The following TSC2 variants were observed in gnomAD, a reference collection of about 807,000 sequenced individuals.
The protein encoded by TSC2 is tuberin.
TSC2 carries 29 observed loss-of-function variants against 202.2 expected under a neutral mutation model. The ratio of observed to expected loss-of-function variants is 0.14; its 90% CI spans 0.11 to 0.20. The LOEUF is 0.20. TSC2 is among the 10% of genes least tolerant of loss of function. The probability of loss-of-function intolerance (pLI) is 1.00; values close to 1 mark genes in which losing one functional copy is unlikely to be tolerated. For missense variants in TSC2, 2,429 were observed against 2,420.0 expected (o/e 1.00, Z -0.08); for synonymous variants, 1,349 against 1,044.0 (o/e 1.29, Z -5.63).
chr16:2,082,836 A>G, intron 32 of TSC2: 1 of 468,552 alleles, frequency 2.1e-6, no homozygotes. Flanking sequence ...GTTTAGGGGG[A>G]AGCCCACCCC....
At position 2,076,061 on chromosome 16, in the gene TSC2, A is replaced by G. The variant is rs1555508569; in HGVS notation, c.2640-7A>G. On this transcript the variant is annotated splice_polypyrimidine_tract_variant and splice_region_variant and intron_variant, in intron 23 of 41. Coordinates refer to ENST00000219476, the MANE Select transcript of TSC2 (RefSeq NM_000548.5). ...AGGATGGAGTGCCAGCCCCCTTCTC[A>G]TCTCAGGTTTAATCAGTACATCGTG... is the stretch of plus-strand genomic sequence containing the variant. 3 of 1,613,714 alleles carry G rather than the reference A, an allele frequency of 1.9e-6. No homozygotes were observed. Among genetic ancestry groups the G allele is most frequent in the South Asian group, 1.1e-5 (1 of 91,064 alleles).
chr16:2,070,698 C>T, intron 17 of TSC2, 120 bp downstream of exon 17: 3 of 1,507,652 alleles, frequency 2.0e-6, no homozygotes, highest in South Asian at 1.2e-5. Flanking sequence ...AGCTGACCGT[C>T]CCTCCTCTGC....
At chr16:2,070,684 C>T in intron 17 of TSC2, 106 bp downstream of exon 17, 2 of 1,547,986 alleles carry the variant, frequency 1.3e-6, no homozygotes, top group South Asian at 2.4e-5. Context: ...CAGGATGGGG[C>T]CTCAGCTGAC....
intron 11 of TSC2, 63 bp from the exon 12 acceptor site, chr16:2,061,808 C>G: frequency 1.2e-6 from 2 of 1,613,130 alleles, no homozygotes; most frequent in Non-Finnish European, 1.7e-6. Context: ...GTAGCGAGGC[C>G]TCTGGTGCCA....
rs45517355 is a variant in TSC2, at chr16:2,085,306, A to T, written c.4646A>T (p.Tyr1549Phe). The T allele has an allele frequency of 6.2e-7, 1 of 1,612,658 alleles. No individual in the cohort carries two copies. Among genetic ancestry groups the T allele is most frequent in the Non-Finnish European group, 8.5e-7 (1 of 1,179,910 alleles). The stretch of plus-strand genomic sequence containing the variant: ...GACACCCACAAGATCGCCGTCCTGT[A>T]TGTTGGAGAAGGCCAGGTGAGGCTG... Reference protein sequence around the residue: ...SYDTHKIAVLYVGEGQSNSEL... With the variant: ...SYDTHKIAVLFVGEGQSNSEL... The change falls in exon 36 of 42, where the codon TAT becomes TTT. Residue 1549 changes from tyrosine (Y) to phenylalanine (F), a missense_variant. Tyr to Phe is a conservative substitution (Grantham distance 22). Coordinates refer to ENST00000219476, the MANE Select transcript of TSC2 (RefSeq NM_000548.5).
chr16:2,076,378 G>A (rs968322826), intron 24 of TSC2, 113 bp from the exon 25 acceptor site: 93 of 1,579,908 alleles, frequency 5.9e-5, no homozygotes, highest in South Asian at 8.9e-5. Context: ...GGGTGCCGCC[G>A]CCTTGCCCCT....
intron 17 of TSC2, among the ~76,000 whole-genome samples, chr16:2,071,163 G>T (rs2088296760): frequency 6.6e-6 from 1 of 152,202 alleles, no homozygotes; most frequent in Non-Finnish European, 1.5e-5. Context: ...GATGGAAGAA[G>T]TGGCAGGGCT....
Position 2,075,774 on chromosome 16 carries a change from CT to C in TSC2, c.2546-24del, listed in dbSNP as rs756057418. 8.1e-6 allele frequency: 13 copies of C among 1,610,930 alleles called. No individual in the cohort carries two copies. The South Asian group carries it at 8.8e-5, about 11-fold the overall frequency. On this transcript the variant is annotated intron_variant, in intron 22 of 41. Coordinates refer to ENST00000219476, the MANE Select transcript of TSC2 (RefSeq NM_000548.5). Reference sequence around the variant, plus strand: ...GGCGCTGCACGGGACCCCGGCTCCCCTGACCACCCTCTCCATTACCGCAGCT... The same window carrying C: ...GGCGCTGCACGGGACCCCGGCTCCCCGACCACCCTCTCCATTACCGCAGCT...
intron 36 of TSC2, among the ~76,000 whole-genome samples, 191 bp from the exon 37 acceptor site, chr16:2,086,000 CGG>C (rs1352488457): frequency 6.6e-6 from 1 of 152,158 alleles, no homozygotes; most frequent in Non-Finnish European, 1.5e-5. Flanking sequence ...CAGGCACACA[CGG>C]GGCTGAGGGA....
Position 2,064,320 on chromosome 16 carries a change from G to A in TSC2, c.1492G>A (p.Glu498Lys), listed in dbSNP as rs45517178. The change falls in exon 15 of 42, where the codon GAG becomes AAG. Residue 498 changes from glutamate (E) to lysine (K), a missense_variant. Transcript: ENST00000219476. ...VVISQLSHIPEDKDHQVRKLA... is the reference protein window; with the variant it reads ...VVISQLSHIPKDKDHQVRKLA... The stretch of plus-strand genomic sequence containing the variant: ...CATCTCGCAGCTCTCCCACATCCCC[G>A]AGGATAAAGACCACCAGGTCCGAAA... The A allele has an allele frequency of 3.7e-6, 6 of 1,613,826 alleles. No individual in the cohort carries two copies. Among genetic ancestry groups the A allele is most frequent in the Middle Eastern group, 1.6e-4 (1 of 6,062 alleles).
At chr16:2,070,154 G>A (rs373880219) in intron 16 of TSC2, among the ~76,000 whole-genome samples, 4 of 152,060 alleles carry the variant, frequency 2.6e-5, no homozygotes, top group African/African-American at 7.2e-5. Flanking sequence ...ACCTGGGATC[G>A]CCCTGCAGCA....
chr16:2,051,275 G>A (rs1473608352), intron 3 of TSC2, among the ~76,000 whole-genome samples: 3 of 150,738 alleles, frequency 2.0e-5, no homozygotes, highest in East Asian at 3.9e-4. Flanking sequence ...AGCCGAGATC[G>A]CCCCACTGCA....
At position 2,053,217 on chromosome 16, in the gene TSC2, G is replaced by A. The variant is rs1021894674; in HGVS notation, c.226-125G>A. 12 of 921,142 alleles carry A rather than the reference G, an allele frequency of 1.3e-5. No individual in the cohort carries two copies. In the African/African-American group the frequency reaches 1.3e-4, roughly 10 times the overall value. 57.1% of individuals were successfully genotyped at this position (921,142 alleles called of 1,614,324 possible). A position where few individuals can be genotyped will look rare whatever the true frequency, so the allele number is the denominator to read the frequency against. On this transcript the variant is annotated intron_variant, in intron 3 of 41. Coordinates refer to ENST00000219476, the MANE Select transcript of TSC2 (RefSeq NM_000548.5). ...GACACAGGAGATACGAGCTTTGGAG[G>A]TGGGGCTCTCAGTCACAAGCCCCCG... is the stretch of plus-strand genomic sequence containing the variant.
At chr16:2,076,325 C>CT (rs2089362038) in intron 24 of TSC2, 155 bp downstream of exon 24, 1 of 1,561,184 alleles carries the variant, frequency 6.4e-7, no homozygotes, top group Non-Finnish European at 8.7e-7. Flanking sequence ...GCTGGGCAGC[C>CT]TGCAGGGCTT....
intron 6 of TSC2, 77 bp downstream of exon 6, chr16:2,055,596 A>C: frequency 7.1e-7 from 1 of 1,399,714 alleles, no homozygotes; most frequent in South Asian, 1.2e-5. Context: ...GAAACCACCA[A>C]AAAAATAGAG....
rs777904257 is a variant in TSC2, at chr16:2,053,467, G to A, written c.336+15G>A. ...TGCAGGGGCAGGTAAGGCCCAGGGC[G>A]ACGCTGGGATGGGTGACGTCAGGCT... On this transcript the variant is annotated intron_variant, in intron 4 of 41. Coordinates refer to ENST00000219476, the MANE Select transcript of TSC2 (RefSeq NM_000548.5). 11 of 1,553,998 alleles carry A rather than the reference G, an allele frequency of 7.1e-6. No individual in the cohort carries two copies. The East Asian group carries it at 2.2e-4, about 31-fold the overall frequency.
At chr16:2,083,071 C>T (rs1194145541) in intron 32 of TSC2, 2 of 454,770 alleles carry the variant, frequency 4.4e-6, no homozygotes, top group African/African-American at 2.0e-5. Context: ...GTGGGACGGG[C>T]CCTGGGGTGG....
intron 20 of TSC2, 73 bp downstream of exon 20, chr16:2,072,436 G>A: frequency 1.2e-5 from 19 of 1,598,842 alleles, no homozygotes; most frequent in Admixed American, 5.0e-5. Context: ...GAGCCTCTGG[G>A]CAGAGCGAGT....
At chr16:2,055,695 A>G in intron 6 of TSC2, 176 bp downstream of exon 6, 1 of 639,258 alleles carries the variant, frequency 1.6e-6, no homozygotes. Flanking sequence ...GTTCGAGACC[A>G]GCCTGGCCAA....
Sources: allele counts gnomAD v4.1 joint callset (sites outside exome capture counted in the v4.1 genomes callset), GRCh38; gene constraint gnomAD v4.1.1; transcripts MANE v1.5; gene names NCBI Gene and HGNC (gene_info 2026-07-23, HGNC 2026-07-21).